Variants in PRKCQ observed in about 807,000 individuals in gnomAD.
PRKCQ encodes the protein protein kinase C theta, also known as protein kinase C theta type.
A neutral mutation model predicts 91.2 loss-of-function variants in PRKCQ; 41 were observed. That is an observed-to-expected ratio of 0.45 (90% confidence interval 0.35 to 0.58). The LOEUF (loss-of-function observed/expected upper bound fraction) is 0.58. Ranked by LOEUF, PRKCQ falls within the 20% of genes least tolerant of loss-of-function variation. The pLI is 0.00. For synonymous variants in PRKCQ, 307 were observed against 316.9 expected (o/e 0.97, Z 0.33); for missense variants, 673 against 896.5 (o/e 0.75, Z 3.18).
Position 6,497,222 on chromosome 10 carries a change from C to T in PRKCQ, c.572G>A (p.Arg191Gln), listed in dbSNP as rs766539586. ...WGLNKQGYQC[R>Q]QCNAAIHKKC... Reference sequence around the variant, plus strand: ...GCAACCAAAACCCTCTTACTTACGTCGGCACTGGTAGCCCTGTTTGTTCAG... The same window carrying T: ...GCAACCAAAACCCTCTTACTTACGTTGGCACTGGTAGCCCTGTTTGTTCAG... The change falls in exon 6 of 18, where the codon CGA becomes CAA. Residue 191 changes from arginine to glutamine, a missense_variant and splice_region_variant. Coordinates refer to ENST00000263125, the MANE Select transcript of PRKCQ (RefSeq NM_006257.5). The surrounding 1 kb of genome is among the most constrained non-coding windows in gnomAD (Gnocchi z 4.5). 105 of 1,614,010 alleles carry T rather than the reference C, an allele frequency of 6.5e-5. No individual in the cohort carries two copies. Among genetic ancestry groups the T allele is most frequent in the Non-Finnish European group, 8.6e-5 (101 of 1,180,020 alleles).
chr10:6,463,965 G>A (rs1474757549), intron 13 of PRKCQ, among the ~76,000 whole-genome samples: 6 of 152,178 alleles, frequency 3.9e-5, no homozygotes, highest in Non-Finnish European at 8.8e-5. Context: ...AGATGCCTCA[G>A]CTACAAGCTC....
intron 16 of PRKCQ, among the ~76,000 whole-genome samples, chr10:6,436,819 C>T (rs1402161590): frequency 6.6e-6 from 1 of 152,192 alleles, no homozygotes; most frequent in Non-Finnish European, 1.5e-5. Flanking sequence ...CCCTTTCTTC[C>T]CATCCAATCT....
At chr10:6,419,001 A>G in the PRKCQ span, among the ~76,000 whole-genome samples, 1 of 136,326 alleles carries the variant, frequency 7.3e-6, no homozygotes, top group Non-Finnish European at 1.6e-5. Context: ...CTATCTATCT[A>G]TCTTGCTATC....
At chr10:6,575,779 C>T (rs1012000200) in intron 1 of PRKCQ, among the ~76,000 whole-genome samples, 2 of 152,190 alleles carry the variant, frequency 1.3e-5, no homozygotes, top group Admixed American at 6.5e-5. Context: ...CGGTGGCTCA[C>T]GCCTGTAATC....
intron 8 of PRKCQ, among the ~76,000 whole-genome samples, chr10:6,491,189 G>C (rs564318099): frequency 1.3e-5 from 2 of 152,336 alleles, no homozygotes; most frequent in East Asian, 1.9e-4. Context: ...TAATGTTACA[G>C]AATTTCTGTG....
intron 1 of PRKCQ, among the ~76,000 whole-genome samples, chr10:6,563,822 C>T (rs1476243585): frequency 1.3e-5 from 2 of 152,184 alleles, no homozygotes; most frequent in South Asian, 2.1e-4. Flanking sequence ...AGATGCAGAG[C>T]CTGCCCTTGG....
chr10:6,574,898 G>A (rs866550340), intron 1 of PRKCQ, among the ~76,000 whole-genome samples: 79 of 152,266 alleles, frequency 5.2e-4, no homozygotes, highest in African/African-American at 1.5e-3. Flanking sequence ...CAGTTGAGCC[G>A]TCACTGACAG....
chr10:6,445,638 CAG>C (rs1234522823), intron 15 of PRKCQ, among the ~76,000 whole-genome samples: 1 of 152,178 alleles, frequency 6.6e-6, no homozygotes, highest in East Asian at 1.9e-4. Flanking sequence ...AAGTTGCAAA[CAG>C]AATTTTGCAA....
chr10:6,419,185 A>G, the PRKCQ span, among the ~76,000 whole-genome samples: 10 of 144,638 alleles, frequency 6.9e-5, no homozygotes, highest in Admixed American at 6.0e-4. Flanking sequence ...ACTTCTGTCT[A>G]TCTCTCTATC....
intron 1 of PRKCQ, among the ~76,000 whole-genome samples, chr10:6,520,839 G>T (rs559623517): frequency 1.7e-3 from 257 of 152,258 alleles, no homozygotes; most frequent in Admixed American, 4.4e-3. Flanking sequence ...GACTTATAGA[G>T]CCCCACCAGG....
intron 11 of PRKCQ, among the ~76,000 whole-genome samples, chr10:6,481,012 G>C (rs1836568135): frequency 6.6e-6 from 1 of 152,216 alleles, no homozygotes; most frequent in African/African-American, 2.4e-5. Flanking sequence ...AGCCAGAAGA[G>C]AGAGAAAAGA....
chr10:6,476,281 C>T (rs1016510853), intron 12 of PRKCQ, among the ~76,000 whole-genome samples: 1 of 139,134 alleles, frequency 7.2e-6, no homozygotes, highest in Admixed American at 7.7e-5. Context: ...TAGCCTTCCC[C>T]GTAAGACATG....
chr10:6,434,280 G>A (rs892028469), intron 16 of PRKCQ, among the ~76,000 whole-genome samples: 2 of 152,058 alleles, frequency 1.3e-5, no homozygotes, highest in Admixed American at 6.6e-5. Context: ...TGCAGGCTGG[G>A]TTTTCTATTC....
intron 1 of PRKCQ, among the ~76,000 whole-genome samples, chr10:6,561,981 T>G (rs1840651073): frequency 6.6e-6 from 1 of 152,160 alleles, no homozygotes; most frequent in South Asian, 2.1e-4. Flanking sequence ...CAGATTAGGA[T>G]TCTAAAATAA....
At chr10:6,459,993 TACAC>T (rs1835235650) in intron 14 of PRKCQ, among the ~76,000 whole-genome samples, 1 of 152,234 alleles carries the variant, frequency 6.6e-6, no homozygotes, top group Non-Finnish European at 1.5e-5. Context: ...TGAGTCAAAT[TACAC>T]ACAGACAGTT....
intron 1 of PRKCQ, among the ~76,000 whole-genome samples, chr10:6,536,859 G>C (rs1265643961): frequency 6.6e-6 from 1 of 152,244 alleles, no homozygotes; most frequent in Non-Finnish European, 1.5e-5. Context: ...TCCTCCATCT[G>C]TGTTTGCTTG....
intron 1 of PRKCQ, among the ~76,000 whole-genome samples, chr10:6,523,336 G>A (rs899556370): frequency 3.3e-5 from 5 of 151,812 alleles, no homozygotes; most frequent in East Asian, 1.9e-4. Context: ...CTATAGTTCC[G>A]GCTACTCGGG....
rs141190428 is a variant in PRKCQ, at chr10:6,525,503, C to T, written c.-9-10359G>A. 9.2e-5 allele frequency among the ~76,000 whole-genome samples: 14 copies of T among 152,282 alleles called. No homozygotes were observed. The East Asian group carries it at 2.3e-3, about 25-fold the overall frequency. On this transcript the variant is annotated intron_variant, in intron 1 of 17. Coordinates refer to ENST00000263125, the MANE Select transcript of PRKCQ (RefSeq NM_006257.5). ...CACCAACCTAATAATCCCACCTCGC[C>T]GTACTTTCTGTTGCCTTAGTGCTCT...
At position 6,464,396 on chromosome 10, in the gene PRKCQ, G is replaced by C; in HGVS notation, c.1362C>G (p.Leu454=). Residue 454 remains leucine (L), a synonymous_variant, in exon 13 of 18, where the codon CTC becomes CTG. Transcript: ENST00000263125. ...MFCTFQTKEN[L]FFVMEYLNGG... ...CGTTGAGGTACTCCATCACAAAAAA[G>C]AGGTTTTCCTGTGGAAAAACAAAAC... The C allele has an allele frequency of 1.3e-6, 2 of 1,594,410 alleles. No homozygotes were observed. Among genetic ancestry groups the C allele is most frequent in the Non-Finnish European group, 1.7e-6 (2 of 1,175,154 alleles).
Sources: allele counts gnomAD v4.1 joint callset (sites outside exome capture counted in the v4.1 genomes callset), GRCh38; gene constraint gnomAD v4.1.1; non-coding constraint Gnocchi (gnomAD v3.1); transcripts MANE v1.5; gene names NCBI Gene and HGNC (gene_info 2026-07-23, HGNC 2026-07-21).